Variants in DDC observed in about 807,000 individuals in gnomAD.
The protein encoded by DDC is dopa decarboxylase.
A neutral mutation model predicts 60.0 loss-of-function variants in DDC; 43 were observed. That is an observed-to-expected ratio of 0.72 (90% CI 0.56 to 0.92). The LOEUF (loss-of-function observed/expected upper bound fraction) is 0.92, where lower values mean the gene tolerates loss of function less well. Among genes scored for constraint, DDC ranks in the 40% least tolerant of loss-of-function variants. DDC has a pLI of 0.00. For synonymous variants in DDC, 232 were observed against 234.6 expected (o/e 0.99, Z 0.10); for missense variants, 573 against 620.2 (o/e 0.92, Z 0.81).
chr7:50,534,006 T>A (rs1286405765), intron 4 of DDC, among the ~76,000 whole-genome samples: 1 of 152,212 alleles, frequency 6.6e-6, no homozygotes, highest in East Asian at 1.9e-4. Flanking sequence ...TGGAGCAGCT[T>A]GCTTTTATTG....
At position 50,458,734 on chromosome 7, in the gene DDC, T is replaced by G. The variant is rs1466628853; in HGVS notation, c.*128A>C. The G allele has an allele frequency of 6.6e-6, 1 of 152,314 alleles. No individual in the cohort carries two copies. Among genetic ancestry groups the G allele is most frequent in the East Asian group, 1.9e-4 (1 of 5,192 alleles). 9.4% of individuals were successfully genotyped at this position (152,314 alleles called of 1,614,324 possible). On this transcript the variant is annotated 3_prime_UTR_variant, in exon 15 of 15. Transcript: ENST00000444124. ...CAAAATCACAACCCTCTGGATAACTTTGGAGAAAGACATGGGAAGCCACAG... is the reference window on the plus strand; with the variant it reads ...CAAAATCACAACCCTCTGGATAACTGTGGAGAAAGACATGGGAAGCCACAG...
At position 50,555,210 on chromosome 7, in the gene DDC, C is replaced by T. The variant is rs1386887227; in HGVS notation, c.-29+10075G>A. Among the ~76,000 whole-genome samples, 3 of 151,570 alleles carry T rather than the reference C, an allele frequency of 2.0e-5. No individual in the cohort carries two copies. In the East Asian group the frequency reaches 5.8e-4, roughly 29 times the overall value. On this transcript the variant is annotated intron_variant, in intron 1 of 14. Transcript: ENST00000444124. ...TCTGCCTTCGAGCCTCCCACTAAAC[C>T]TCCCATTGGCAGAACCCTACCACAA...
At chr7:50,476,719 T>C in intron 10 of DDC, 76 bp from the exon 11 acceptor site, 1 of 1,401,382 alleles carries the variant, frequency 7.1e-7, no homozygotes, top group Non-Finnish European at 1.0e-6. Context: ...CCTTTTCATT[T>C]TCCAGGTAAA....
intron 1 of DDC, among the ~76,000 whole-genome samples, chr7:50,551,300 G>C (rs998120067): frequency 4.0e-5 from 6 of 150,518 alleles, no homozygotes; most frequent in African/African-American, 1.5e-4. Context: ...GTGTGATCTG[G>C]GCTCACTGCA....
At chr7:50,487,103 T>G (rs2042901905) in intron 9 of DDC, among the ~76,000 whole-genome samples, 1 of 152,230 alleles carries the variant, frequency 6.6e-6, no homozygotes, top group South Asian at 2.1e-4. Flanking sequence ...GGGTCTGTTA[T>G]GTCTATATGT....
chr7:50,503,293 G>C (rs1055224234), intron 7 of DDC, among the ~76,000 whole-genome samples: 4 of 152,234 alleles, frequency 2.6e-5, no homozygotes, highest in Non-Finnish European at 5.9e-5. Flanking sequence ...TGCCCTACGA[G>C]GGTTCTTCTG....
chr7:50,540,495 C>CA (rs35299591), intron 2 of DDC, among the ~76,000 whole-genome samples: 21 of 107,822 alleles, frequency 1.9e-4, no homozygotes, highest in South Asian at 6.9e-4. Flanking sequence ...AACAAACAAA[C>CA]AAAAAAAAAA....
intron 4 of DDC, among the ~76,000 whole-genome samples, chr7:50,535,562 C>A (rs1371222892): frequency 6.6e-6 from 1 of 152,194 alleles, no homozygotes; most frequent in African/African-American, 2.4e-5. Flanking sequence ...GCCACAGGGC[C>A]TGTGGGTCAT....
chr7:50,521,216 C>G (rs1016817572), intron 6 of DDC, among the ~76,000 whole-genome samples: 2 of 151,992 alleles, frequency 1.3e-5, no homozygotes, highest in South Asian at 4.1e-4. Context: ...AATAGACCAA[C>G]TTTTTGAAGG....
At chr7:50,535,307 TG>T (rs1282101111) in intron 4 of DDC, among the ~76,000 whole-genome samples, 1 of 152,026 alleles carries the variant, frequency 6.6e-6, no homozygotes, top group Non-Finnish European at 1.5e-5. Flanking sequence ...CCACCACACC[TG>T]GATAATTTTT....
chr7:50,468,181 G>T (rs1299441806), intron 12 of DDC, among the ~76,000 whole-genome samples: 1 of 152,324 alleles, frequency 6.6e-6, no homozygotes, highest in Non-Finnish European at 1.5e-5. Context: ...CGTGTCATAC[G>T]AGTGGTTCCT....
rs1374822981 is a variant in DDC, at chr7:50,528,183, T to A, written c.668A>T (p.Gln223Leu). The A allele has an allele frequency of 6.2e-7, 1 of 1,613,926 alleles. No homozygotes were observed. Among genetic ancestry groups the A allele is most frequent in the Middle Eastern group, 1.7e-4 (1 of 5,800 alleles). ...GNFAMRASAL[Q>L]EALERDKAAG... is the part of the protein sequence containing the mutation. ...CGCTTTGTCTCTCTCCAGGGCTTCC[T>A]GCAGGGCAGACGCACGCATGGCGAA... Residue 223 changes from glutamine (Q) to leucine (L), a missense_variant, in exon 6 of 15, where the codon CAG (glutamine) becomes CTG (leucine). Transcript: ENST00000444124.
chr7:50,489,238 C>G (rs1380575551), intron 9 of DDC, among the ~76,000 whole-genome samples: 3 of 152,106 alleles, frequency 2.0e-5, no homozygotes. Flanking sequence ...AAGTCCTGAC[C>G]TCAAGCAATC....
At chr7:50,557,474 C>G (rs192034620) in intron 1 of DDC, among the ~76,000 whole-genome samples, 2 of 152,174 alleles carry the variant, frequency 1.3e-5, no homozygotes, top group Non-Finnish European at 2.9e-5. Flanking sequence ...TAGTCCTGAC[C>G]GTAGACAATT....
chr7:50,471,424 G>A (rs1201631321), intron 11 of DDC, among the ~76,000 whole-genome samples: 1 of 152,120 alleles, frequency 6.6e-6, no homozygotes, highest in Admixed American at 6.5e-5. Context: ...GAATGAACAG[G>A]TGGCAACTGC....
At chr7:50,498,583 C>G (rs1478299851) in intron 8 of DDC, among the ~76,000 whole-genome samples, 1 of 152,224 alleles carries the variant, frequency 6.6e-6, no homozygotes, top group African/African-American at 2.4e-5. Context: ...CATTCTGTTG[C>G]TTTTTGGAGA....
chr7:50,514,691 G>A (rs761879327), intron 6 of DDC, among the ~76,000 whole-genome samples: 14 of 152,036 alleles, frequency 9.2e-5, no homozygotes, highest in Non-Finnish European at 1.8e-4. Context: ...GAATGCTCTG[G>A]AAAGTCTCAG....
At chr7:50,496,423 A>G (rs546627915) in intron 8 of DDC, among the ~76,000 whole-genome samples, 1 of 152,188 alleles carries the variant, frequency 6.6e-6, no homozygotes, top group East Asian at 1.9e-4. Flanking sequence ...TTGTATTCCT[A>G]ACAGCTACAG....
At chr7:50,537,576 C>T (rs2044460761) in intron 4 of DDC, among the ~76,000 whole-genome samples, 1 of 152,218 alleles carries the variant, frequency 6.6e-6, no homozygotes, top group African/African-American at 2.4e-5. Flanking sequence ...TTGTTACTTC[C>T]ACGCACCTGC....
Sources: allele counts gnomAD v4.1 joint callset (sites outside exome capture counted in the v4.1 genomes callset), GRCh38; gene constraint gnomAD v4.1.1; transcripts MANE v1.5; gene names NCBI Gene and HGNC (gene_info 2026-07-23, HGNC 2026-07-21).